Variants in MYO5B observed in about 807,000 individuals in gnomAD.
MYO5B encodes unconventional myosin-Vb.
A neutral mutation model predicts 229.3 loss-of-function variants in MYO5B; 143 were observed. The observed-to-expected ratio is 0.62, with a 90% CI of 0.54 to 0.72. The LOEUF (loss-of-function observed/expected upper bound fraction) is 0.72, where lower values mean the gene tolerates loss of function less well. Ranked by LOEUF, MYO5B falls within the 30% of genes least tolerant of loss-of-function variation. The pLI is 0.00. For synonymous variants in MYO5B, 918 were observed against 885.2 expected (o/e 1.04, Z -0.66); for missense variants, 2,321 against 2,331.0 (o/e 1.00, Z 0.09).
At chr18:49,982,879 T>C (rs1249537381) in intron 8 of MYO5B, among the ~76,000 whole-genome samples, 1 of 152,180 alleles carries the variant, frequency 6.6e-6, no homozygotes, top group Non-Finnish European at 1.5e-5. Flanking sequence ...GCAATTTGCT[T>C]TGAGCATTAA....
intron 7 of MYO5B, among the ~76,000 whole-genome samples, chr18:49,985,663 C>T (rs550074509): frequency 6.6e-6 from 1 of 152,280 alleles, no homozygotes; most frequent in South Asian, 2.1e-4. Flanking sequence ...TGGTACTATC[C>T]TGCCTGGCAC....
At chr18:49,922,030 T>C (rs574418811) in intron 17 of MYO5B, among the ~76,000 whole-genome samples, 6 of 152,332 alleles carry the variant, frequency 3.9e-5, no homozygotes, top group African/African-American at 1.2e-4. Context: ...TGTTGAGTTT[T>C]CAGCAGCCAA....
rs1227386948 is a variant in MYO5B at position 49,843,312 on chromosome 18, A to T, written c.4540T>A (p.Tyr1514Asn). 3 of 1,614,236 alleles carry T rather than the reference A, an allele frequency of 1.9e-6. No homozygotes were observed. Among genetic ancestry groups the T allele is most frequent in the African/African-American group, 1.3e-5 (1 of 75,052 alleles). Reference sequence around the variant, plus strand: ...TGCACCTTGAGATCGTCGTTGGTGTAGTCCGCGTGCCGGATGCACATGTAG... The same window carrying T: ...TGCACCTTGAGATCGTCGTTGGTGTTGTCCGCGTGCCGGATGCACATGTAG... ...ILYMCIRHAD[Y>N]TNDDLKVHSL... The change falls in exon 34 of 40, where the codon TAC becomes AAC. Residue 1514 changes from tyrosine to asparagine, a missense_variant. This residue lies in a region of MYO5B where 2,113 missense variants were observed against 2,044.7 expected (regional missense o/e 1.03). Coordinates refer to ENST00000285039, the MANE Select transcript of MYO5B (RefSeq NM_001080467.3).
At chr18:50,139,447 A>G (rs2032384435) in intron 1 of MYO5B, among the ~76,000 whole-genome samples, 1 of 152,218 alleles carries the variant, frequency 6.6e-6, no homozygotes, top group Admixed American at 6.5e-5. Flanking sequence ...AATTCTAAGT[A>G]ACTCCTTACA....
At chr18:50,034,477 C>T (rs970223448) in intron 4 of MYO5B, among the ~76,000 whole-genome samples, 70 of 152,230 alleles carry the variant, frequency 4.6e-4, no homozygotes, top group African/African-American at 1.6e-3. Flanking sequence ...TGCGTGGTGG[C>T]TCACGCCTGT....
At chr18:49,946,373 G>A (rs1010281934) in intron 14 of MYO5B, 2 of 152,126 alleles carry the variant, frequency 1.3e-5, no homozygotes, top group African/African-American at 4.8e-5. Context: ...CACGTTCAGG[G>A]TGGTATGGCC....
intron 17 of MYO5B, among the ~76,000 whole-genome samples, chr18:49,919,212 G>A (rs1044358334): frequency 2.0e-5 from 3 of 151,862 alleles, no homozygotes; most frequent in African/African-American, 7.3e-5. Context: ...TCCTAAAACA[G>A]TAAAACTCTT....
At chr18:50,159,423 C>T (rs1007272975) in intron 1 of MYO5B, among the ~76,000 whole-genome samples, 1 of 152,200 alleles carries the variant, frequency 6.6e-6, no homozygotes, top group Non-Finnish European at 1.5e-5. Flanking sequence ...AACCCTCACA[C>T]CCATCTTTCC....
At chr18:49,854,560 G>A (rs536529859) in intron 30 of MYO5B, among the ~76,000 whole-genome samples, 1 of 152,344 alleles carries the variant, frequency 6.6e-6, no homozygotes, top group East Asian at 1.9e-4. Context: ...GCTTCATATG[G>A]AAGAAAGCTA....
chr18:50,031,906 A>C (rs565099767), intron 4 of MYO5B, among the ~76,000 whole-genome samples: 1 of 152,340 alleles, frequency 6.6e-6, no homozygotes, highest in South Asian at 2.1e-4. Context: ...CCTATCTTGG[A>C]AACTCAGAAG....
chr18:50,072,897 C>A (rs996349343), intron 1 of MYO5B, among the ~76,000 whole-genome samples: 3 of 152,054 alleles, frequency 2.0e-5, no homozygotes, highest in Non-Finnish European at 2.9e-5. Context: ...GCAACCAGGG[C>A]TCACATTCCA....
intron 7 of MYO5B, among the ~76,000 whole-genome samples, chr18:49,988,075 C>T (rs1568060313): frequency 6.6e-6 from 1 of 152,186 alleles, no homozygotes; most frequent in Admixed American, 6.5e-5. Flanking sequence ...CAAATCTGCA[C>T]CCTCCATTCT....
intron 1 of MYO5B, among the ~76,000 whole-genome samples, chr18:50,129,459 T>C (rs1446079197): frequency 6.6e-6 from 1 of 152,178 alleles, no homozygotes; most frequent in African/African-American, 2.4e-5. Flanking sequence ...TCACTGGAGC[T>C]CTTGTCCAGC....
At chr18:50,184,112 T>C (rs770560805) in intron 1 of MYO5B, among the ~76,000 whole-genome samples, 3 of 152,152 alleles carry the variant, frequency 2.0e-5, no homozygotes, top group Non-Finnish European at 4.4e-5. Flanking sequence ...ACTAAGACAG[T>C]GTACTTTGTT....
chr18:49,878,167 C>T (rs2024547975), intron 24 of MYO5B, among the ~76,000 whole-genome samples: 1 of 152,100 alleles, frequency 6.6e-6, no homozygotes. Flanking sequence ...CCCAGTCTTG[C>T]TCTTGAAATG....
chr18:50,004,910 C>A (rs2026085288), intron 4 of MYO5B, among the ~76,000 whole-genome samples: 1 of 152,202 alleles, frequency 6.6e-6, no homozygotes, highest in Non-Finnish European at 1.5e-5. Flanking sequence ...ACATTAAAGA[C>A]AGACTTGAAT....
In MYO5B at chr18:49,831,464, T is replaced by C. The variant is rs142602723; in HGVS notation, c.5394+3880A>G. Among the ~76,000 whole-genome samples the C allele has an allele frequency of 3.1e-4, 47 of 152,290 alleles. 1 individual carries two copies. The East Asian group carries it at 8.7e-3, about 28-fold the overall frequency. On this transcript the variant is annotated intron_variant, in intron 39 of 39. Transcript: ENST00000285039. ...TTTAAAAATGAATTAAATACTGGAA[T>C]AGATATTTCTCCAGAGAAGATATAT... is the stretch of plus-strand genomic sequence containing the variant.
At chr18:49,934,955 G>T (rs1353906328) in intron 16 of MYO5B, among the ~76,000 whole-genome samples, 1 of 152,174 alleles carries the variant, frequency 6.6e-6, no homozygotes, top group Non-Finnish European at 1.5e-5. Flanking sequence ...AGGAAAGATG[G>T]GAATAAGGTG....
At position 49,906,076 on chromosome 18, in the gene MYO5B, G is replaced by C. The variant is rs1333258683; in HGVS notation, c.2414+343C>G. On this transcript the variant is annotated intron_variant, in intron 19 of 39. Transcript: ENST00000285039. ...GGCCAAGCACAGGTTAACTGTGCCA[G>C]GCTGTATTGGTCTCTTTTCCTAAAA... Among the ~76,000 whole-genome samples the C allele has an allele frequency of 3.3e-5, 5 of 152,294 alleles. No individual in the cohort carries two copies. The East Asian group carries it at 5.8e-4, about 18-fold the overall frequency.
Sources: allele counts gnomAD v4.1 joint callset (sites outside exome capture counted in the v4.1 genomes callset), GRCh38; gene constraint gnomAD v4.1.1; regional missense constraint gnomAD v4.1.1; transcripts MANE v1.5; gene names NCBI Gene and HGNC (gene_info 2026-07-23, HGNC 2026-07-21).